The following PRKD3 variants were observed in gnomAD, a reference collection of about 807,000 sequenced individuals.
PRKD3 encodes the protein serine/threonine-protein kinase D3.
In PRKD3, 47 loss-of-function variants were observed where a neutral mutation model predicts 99.2. The observed-to-expected ratio is 0.47, with a 90% CI of 0.38 to 0.60. PRKD3 has a LOEUF of 0.60. Ranked by LOEUF, PRKD3 falls within the 20% of genes least tolerant of loss-of-function variation. PRKD3 has a pLI of 0.00. For missense variants in PRKD3, 1,019 were observed against 1,088.4 expected, an observed-to-expected ratio of 0.94 and a Z score of 0.90; for synonymous variants, 392 against 355.4, an observed-to-expected ratio of 1.10 and a Z score of -1.16.
intron 11 of PRKD3, 110 bp downstream of exon 11, chr2:37,274,311 A>T (rs550468945): frequency 4.7e-6 from 6 of 1,278,756 alleles, no homozygotes; most frequent in African/African-American, 3.0e-5. Context: ...ATTGGTTACT[A>T]AAGACTAAGC....
At chr2:37,312,698 G>A (rs1371923550) in intron 2 of PRKD3, among the ~76,000 whole-genome samples, 4 of 152,104 alleles carry the variant, frequency 2.6e-5, no homozygotes, top group Non-Finnish European at 5.9e-5. Flanking sequence ...TAACATTCAG[G>A]TATAAGTAAC....
intron 2 of PRKD3, among the ~76,000 whole-genome samples, chr2:37,313,740 A>T (rs948001538): frequency 1.3e-5 from 2 of 152,214 alleles, no homozygotes; most frequent in African/African-American, 4.8e-5. Context: ...AGATGATTTG[A>T]CATACAAGTT....
chr2:37,256,939 G>C lies in PRKD3; in HGVS notation c.2146-10C>G, dbSNP rs1445210538. The C allele has an allele frequency of 1.9e-6, 3 of 1,613,466 alleles. No individual in the cohort carries two copies. Among genetic ancestry groups the C allele is most frequent in the Non-Finnish European group, 2.5e-6 (3 of 1,179,682 alleles). On this transcript the variant is annotated splice_polypyrimidine_tract_variant and intron_variant, in intron 16 of 18. Coordinates refer to ENST00000234179, the MANE Select transcript of PRKD3 (RefSeq NM_005813.6). The stretch of plus-strand genomic sequence containing the variant: ...AGTCACACAGCTTCACCTGGAAATT[G>C]AAGGATGATGTTAATTTTGTATTAT...
Position 37,253,132 on chromosome 2 carries a change from C to A in PRKD3, c.*45G>T. 6.6e-7 allele frequency: 1 copy of A among 1,518,876 alleles called. No individual in the cohort carries two copies. The allele number at this position is 1,518,876 out of a possible 1,614,324, so 94.1% of individuals were successfully genotyped here. A position where few individuals can be genotyped will look rare whatever the true frequency, so the allele number is the denominator to read the frequency against. On this transcript the variant is annotated 3_prime_UTR_variant, in exon 19 of 19. Transcript: ENST00000234179. ...AAGAACAAGTTACACAGCAAAATAT[C>A]AGTCCATAAAATGAAATCCTTCCTT... is the stretch of plus-strand genomic sequence containing the variant.
intron 2 of PRKD3, among the ~76,000 whole-genome samples, chr2:37,314,891 T>C (rs938875454): frequency 3.3e-5 from 5 of 152,188 alleles, no homozygotes; most frequent in Non-Finnish European, 7.4e-5. Context: ...TCTACAGGTC[T>C]ACAGAAGTAA....
chr2:37,269,699 A>C lies in PRKD3; in HGVS notation c.1705-12T>G. ...ACAGTACTGATATCCTGGTAGGATAAAGTAAGGAGTTAGTATTATTTATTT... is the reference window on the plus strand; with the variant it reads ...ACAGTACTGATATCCTGGTAGGATACAGTAAGGAGTTAGTATTATTTATTT... On this transcript the variant is annotated splice_polypyrimidine_tract_variant and intron_variant, in intron 12 of 18. Coordinates refer to ENST00000234179, the MANE Select transcript of PRKD3 (RefSeq NM_005813.6). The C allele has an allele frequency of 6.3e-7, 1 of 1,578,438 alleles. No individual in the cohort carries two copies.
At chr2:37,274,035 G>A (rs1669437072) in intron 11 of PRKD3, among the ~76,000 whole-genome samples, 1 of 152,142 alleles carries the variant, frequency 6.6e-6, no homozygotes, top group Non-Finnish European at 1.5e-5. Context: ...ACCAGTAGCA[G>A]GCATAATCCA....
Position 37,306,084 on chromosome 2 carries a change from T to TA in PRKD3, c.288+10152dup, listed in dbSNP as rs35654516. On this transcript the variant is annotated intron_variant, in intron 2 of 18. Transcript: ENST00000234179. ...CTTGGATTCTTTTTTTTTTTTTTTT[T>TA]AAACATACTACACCAGTAACAGAGT... Among the ~76,000 whole-genome samples the TA allele has an allele frequency of 3.4e-5, 5 of 148,934 alleles. No individual in the cohort carries two copies. In the East Asian group the frequency reaches 5.8e-4, roughly 17 times the overall value.
At position 37,250,876 on chromosome 2, in the gene PRKD3, A is replaced by G. The variant is rs1572583929; in HGVS notation, c.*2301T>C. ...TTTTACAAACACGACTTAAAGACAA[A>G]AAGTTATGCAGGTTATACAGTATCT... is the stretch of plus-strand genomic sequence containing the variant. On this transcript the variant is annotated 3_prime_UTR_variant, in exon 19 of 19. Transcript: ENST00000234179. 1 of 152,768 alleles carries G rather than the reference A, an allele frequency of 6.5e-6. No homozygotes were observed. The highest frequency in any genetic ancestry group is 2.1e-4 in the South Asian group (1 of 4,824). 9.5% of individuals were successfully genotyped at this position (152,768 alleles called of 1,614,324 possible). A position where few individuals can be genotyped will look rare whatever the true frequency, so the allele number is the denominator to read the frequency against.
intron 2 of PRKD3, among the ~76,000 whole-genome samples, chr2:37,301,216 A>G (rs1016824246): frequency 2.0e-5 from 3 of 152,222 alleles, no homozygotes; most frequent in Admixed American, 6.5e-5. Context: ...ATATCAAAAA[A>G]CCATAAACAA....
In PRKD3 at chr2:37,269,351, C is replaced by T. The variant is rs922603843; in HGVS notation, c.1777+264G>A. On this transcript the variant is annotated intron_variant, in intron 13 of 18. Coordinates refer to ENST00000234179, the MANE Select transcript of PRKD3 (RefSeq NM_005813.6). ...AAACCATCTCCCCCCCTGCCTCCGACAAACATCTGTATGTGTGAGCTACAA... is the reference window on the plus strand; with the variant it reads ...AAACCATCTCCCCCCCTGCCTCCGATAAACATCTGTATGTGTGAGCTACAA... The T allele has an allele frequency of 9.4e-6, 4 of 425,026 alleles. No homozygotes were observed. In the Admixed American group the frequency reaches 1.0e-4, roughly 11 times the overall value. The allele number at this position is 425,026 out of a possible 1,614,324, so 26.3% of individuals were successfully genotyped here. A position where few individuals can be genotyped will look rare whatever the true frequency, so the allele number is the denominator to read the frequency against.
chr2:37,254,103 T>G (rs1667743563), intron 18 of PRKD3, 101 bp downstream of exon 18: 2 of 849,310 alleles, frequency 2.4e-6, no homozygotes, highest in African/African-American at 1.7e-5. Context: ...TAAGAGCACT[T>G]TTATTATTCT....
In PRKD3 at chr2:37,316,685, T is replaced by C; in HGVS notation, c.-161A>G. ...GCCACTCATGCCGATACTTTTAAGT[T>C]TTATCAAGGAGTTGAATGCCCCAAA... On this transcript the variant is annotated 5_prime_UTR_variant, in exon 2 of 19. Transcript: ENST00000234179. 2.1e-6 allele frequency: 3 copies of C among 1,433,648 alleles called. No homozygotes were observed. The highest frequency in any genetic ancestry group is 2.7e-6 in the Non-Finnish European group (3 of 1,100,868). The allele number at this position is 1,433,648 out of a possible 1,614,324, so 88.8% of individuals were successfully genotyped here.
chr2:37,280,091 C>T (rs1482147813), intron 7 of PRKD3, among the ~76,000 whole-genome samples, 162 bp from the exon 8 acceptor site: 1 of 148,510 alleles, frequency 6.7e-6, no homozygotes, highest in Admixed American at 6.8e-5. Flanking sequence ...TCACTCTTGT[C>T]ACCCAGGCTG....
chr2:37,265,635 A>T (rs1668787388), intron 14 of PRKD3, among the ~76,000 whole-genome samples: 1 of 152,216 alleles, frequency 6.6e-6, no homozygotes, highest in Non-Finnish European at 1.5e-5. Flanking sequence ...GTACTTAAGT[A>T]TAAATGCTGA....
chr2:37,316,373 G>A lies in PRKD3; in HGVS notation c.152C>T (p.Thr51Ile). The part of the protein sequence containing the change: ...SNGSFSAPSL[T>I]NSRGSVHTVS... ...TGTATGCACTGAGCCTCTGGAGTTG[G>A]TGAGTGATGGTGCACTGAAGCTTCC... is the stretch of plus-strand genomic sequence containing the variant. The change falls in exon 2 of 19, where the codon ACC becomes ATC. Residue 51 changes from threonine to isoleucine, a missense_variant. Transcript: ENST00000234179. 2 of 1,614,226 alleles carry A rather than the reference G, an allele frequency of 1.2e-6. No homozygotes were observed. Among genetic ancestry groups the A allele is most frequent in the Non-Finnish European group, 1.7e-6 (2 of 1,180,040 alleles).
intron 6 of PRKD3, 116 bp from the exon 7 acceptor site, chr2:37,282,735 A>C (rs1669909161): frequency 1.4e-6 from 1 of 735,440 alleles, no homozygotes; most frequent in Non-Finnish European, 2.3e-6. Context: ...ATGATATTAA[A>C]ATAATAACCA....
In PRKD3 at chr2:37,286,256, G is replaced by A; in HGVS notation, c.831C>T (p.His277=). 1 of 1,614,146 alleles carries A rather than the reference G, an allele frequency of 6.2e-7. No individual in the cohort carries two copies. Among genetic ancestry groups the A allele is most frequent in the Non-Finnish European group, 8.5e-7 (1 of 1,180,002 alleles). ...RVKVPHTFAV[H]SYTRPTICQY... ...GACATATCGTGGGACGGGTGTAAGA[G>A]TGAACAGCAAATGTGTGTGGAACTT... The change falls in exon 6 of 19, where the codon CAC becomes CAT. Residue 277 remains histidine, a synonymous_variant. Transcript: ENST00000234179.
intron 11 of PRKD3, 35 bp from the exon 12 acceptor site, chr2:37,272,467 G>A (rs1669332368): frequency 6.3e-7 from 1 of 1,575,676 alleles, no homozygotes; most frequent in Non-Finnish European, 8.6e-7. Context: ...TTTAGTATAT[G>A]ACAATATTAT....
Sources: allele counts gnomAD v4.1 joint callset (sites outside exome capture counted in the v4.1 genomes callset), GRCh38; gene constraint gnomAD v4.1.1; transcripts MANE v1.5; gene names NCBI Gene and HGNC (gene_info 2026-07-23, HGNC 2026-07-21).